Variants in IRAK1BP1 observed in about 807,000 individuals in gnomAD.
IRAK1BP1 encodes interleukin 1 receptor associated kinase 1 binding protein 1.
Under a neutral mutation model 28.0 loss-of-function variants are expected in IRAK1BP1, and 24 were observed. The observed-to-expected ratio is 0.86, with a 90% CI of 0.62 to 1.20. IRAK1BP1 has a LOEUF of 1.20. Ranked by LOEUF, IRAK1BP1 falls within the 50% of genes most tolerant of loss-of-function variation. The pLI is 0.00. For missense variants in IRAK1BP1, 336 were observed against 316.7 expected, an observed-to-expected ratio of 1.06 and a Z score of -0.46; for synonymous variants, 131 against 116.3, an observed-to-expected ratio of 1.13 and a Z score of -0.81.
downstream of IRAK1BP1, among the ~76,000 whole-genome samples, chr6:78,903,527 A>G (rs997272664): frequency 1.3e-5 from 2 of 152,154 alleles, no homozygotes; most frequent in Admixed American, 1.3e-4. Context: ...TTATATGCTC[A>G]GTATAATTAA....
At chr6:78,926,192 A>G (rs1331202103) in intron 4 of IRAK1BP1, among the ~76,000 whole-genome samples, 2 of 152,150 alleles carry the variant, frequency 1.3e-5, no homozygotes, top group African/African-American at 2.4e-5. Context: ...TGAGGCTGCA[A>G]AGAAAAGGGA....
chr6:78,946,715 A>G (rs755172378), downstream of IRAK1BP1: 1 of 1,559,598 alleles, frequency 6.4e-7, no homozygotes, highest in Admixed American at 2.3e-5. Context: ...AAATACCTTG[A>G]TGCAGCACTA....
chr6:78,952,582 C>T, the IRAK1BP1 span, among the ~76,000 whole-genome samples: 2 of 152,004 alleles, frequency 1.3e-5, no homozygotes, highest in African/African-American at 4.8e-5. Flanking sequence ...ACCTCTTACC[C>T]TCTCCTTCAC....
the IRAK1BP1 span, among the ~76,000 whole-genome samples, chr6:78,973,645 G>C: frequency 1.4e-5 from 2 of 144,684 alleles, no homozygotes; most frequent in African/African-American, 2.6e-5. Context: ...CTCACCTGCA[G>C]AGACACACAT....
intron 1 of IRAK1BP1, among the ~76,000 whole-genome samples, chr6:78,869,661 G>C (rs1235707043): frequency 6.6e-6 from 1 of 152,180 alleles, no homozygotes; most frequent in Non-Finnish European, 1.5e-5. Flanking sequence ...TTGTTCAGGA[G>C]ATAATACAAA....
chr6:78,868,026 G>A (rs1399462494), intron 1 of IRAK1BP1, 135 bp downstream of exon 1: 1 of 906,766 alleles, frequency 1.1e-6, no homozygotes, highest in East Asian at 2.7e-5. Context: ...TTGTTGCAAA[G>A]GTACTCCGGG....
rs951454145 is a variant in IRAK1BP1, at chr6:78,945,167, A to C, written c.*68-241A>C. The C allele has an allele frequency of 4.5e-6, 3 of 663,466 alleles. No individual in the cohort carries two copies. The African/African-American group carries it at 5.5e-5, about 12-fold the overall frequency. The allele number at this position is 663,466 out of a possible 1,614,324, so 41.1% of individuals were successfully genotyped here. On this transcript the variant is annotated intron_variant and NMD_transcript_variant, in intron 4 of 4. Transcript: ENST00000606868. ...GGCACAATAATAGCTCATTGCAGTA[A>C]ATTTATCAACTAATACAGATGTGTG...
chr6:78,963,321 T>A, the IRAK1BP1 span: 1 of 1,236,190 alleles, frequency 8.1e-7, no homozygotes, highest in South Asian at 1.5e-5. Flanking sequence ...CTTTAGAATG[T>A]AAAAATAACA....
At chr6:78,967,905 C>T in the IRAK1BP1 span, among the ~76,000 whole-genome samples, 21 of 151,968 alleles carry the variant, frequency 1.4e-4, 1 homozygote, top group Admixed American at 7.9e-4. Context: ...GAGGCTGAGG[C>T]GGGCGGATCA....
chr6:78,953,962 GCACGC>G, the IRAK1BP1 span, among the ~76,000 whole-genome samples: 4 of 152,216 alleles, frequency 2.6e-5, no homozygotes, highest in East Asian at 7.7e-4. Flanking sequence ...TGCTATGATT[GCACGC>G]CAAAATAAAT....
chr6:78,940,271 T>C (rs1408458988), intron 4 of IRAK1BP1: 4 of 151,908 alleles, frequency 2.6e-5, no homozygotes, highest in Admixed American at 6.6e-5. Context: ...TCAATAGAAA[T>C]GTACCTCACT....
At chr6:78,957,086 T>A in the IRAK1BP1 span, 1 of 152,090 alleles carries the variant, frequency 6.6e-6, no homozygotes. Context: ...ATGGATTTAT[T>A]TTTAGAAATA....
chr6:78,967,256 T>C, the IRAK1BP1 span, among the ~76,000 whole-genome samples: 2 of 152,154 alleles, frequency 1.3e-5, no homozygotes, highest in East Asian at 1.9e-4. Flanking sequence ...CTGTTGACAG[T>C]TGTTCCTCAG....
rs748674101 is a variant in IRAK1BP1 at position 78,898,119 on chromosome 6, T to C, written c.568T>C (p.Cys190Arg). The change falls in exon 4 of 4, where the codon TGT (cysteine) becomes CGT (arginine). Residue 190 changes from cysteine (C) to arginine (R), a missense_variant. Coordinates refer to ENST00000369940, the MANE Select transcript of IRAK1BP1 (RefSeq NM_001010844.4). ...ENAWRKAQEV[C>R]NLVGQTLGKP... ...TGCGTGGCGCAAAGCTCAAGAAGTC[T>C]GTAACCTTGTTGGCCAAACCTTAGG... 1.2e-6 allele frequency: 2 copies of C among 1,613,956 alleles called. No individual in the cohort carries two copies. The highest frequency in any genetic ancestry group is 8.5e-7 in the Non-Finnish European group (1 of 1,179,952).
At chr6:78,949,829 T>C (rs112261803), downstream of IRAK1BP1, among the ~76,000 whole-genome samples, 177 of 152,132 alleles carry the variant, frequency 1.2e-3, 1 homozygote, top group African/African-American at 4.1e-3. Context: ...GCTTGAACTA[T>C]AGGTGCACGC....
At chr6:78,970,782 C>T in the IRAK1BP1 span, 1 of 1,581,394 alleles carries the variant, frequency 6.3e-7, no homozygotes, top group Non-Finnish European at 8.6e-7. Context: ...ATGTCATACC[C>T]GTAGCTCCAT....
the IRAK1BP1 span, chr6:78,958,720 G>T: frequency 1.5e-6 from 1 of 668,750 alleles, no homozygotes; most frequent in East Asian, 2.7e-5. Flanking sequence ...AAAAACCATT[G>T]GTCTTATAAA....
At chr6:78,966,247 T>C in the IRAK1BP1 span, among the ~76,000 whole-genome samples, 1 of 152,222 alleles carries the variant, frequency 6.6e-6, no homozygotes. Context: ...GTAAGCATAC[T>C]TGAAGTGTGA....
intron 4 of IRAK1BP1, among the ~76,000 whole-genome samples, chr6:78,941,517 A>G (rs1287101825): frequency 2.0e-5 from 3 of 152,076 alleles, no homozygotes; most frequent in African/African-American, 7.2e-5. Flanking sequence ...TCTAATTAAA[A>G]GAGACAGATT....
Sources: allele counts gnomAD v4.1 joint callset (sites outside exome capture counted in the v4.1 genomes callset), GRCh38; gene constraint gnomAD v4.1.1; transcripts MANE v1.5; gene names NCBI Gene and HGNC (gene_info 2026-07-23, HGNC 2026-07-21).